RSBN1L: variants seen among roughly 807,000 people sequenced by gnomAD.
The protein encoded by RSBN1L is lysine-specific demethylase RSBN1L.
A neutral mutation model predicts 67.7 loss-of-function variants in RSBN1L; 30 were observed. The ratio of observed to expected loss-of-function variants is 0.44; its 90% confidence interval spans 0.33 to 0.60. The LOEUF is 0.60. Ranked by LOEUF, RSBN1L falls within the 20% of genes least tolerant of loss-of-function variation. RSBN1L has a pLI of 0.02. For missense variants in RSBN1L, 992 were observed against 1,031.7 expected, an observed-to-expected ratio of 0.96 and a Z score of 0.53; for synonymous variants, 433 against 387.0, an observed-to-expected ratio of 1.12 and a Z score of -1.39.
In RSBN1L at chr7:77,722,637, TTG is replaced by T. The variant is rs1394961471; in HGVS notation, c.587-13771_587-13770del. Among the ~76,000 whole-genome samples the T allele has an allele frequency of 5.9e-5, 9 of 152,240 alleles. No homozygotes were observed. In the South Asian group the frequency reaches 1.0e-3, roughly 18 times the overall value. ...TCAATTTTTATTTTAGTGTATGTAA[TTG>T]TAATCATTTTGTAATGTAACTGCTT... is the stretch of plus-strand genomic sequence containing the variant. On this transcript the variant is annotated intron_variant, in intron 1 of 7. Transcript: ENST00000334955.
At chr7:77,736,135 T>G (rs1244421228) in intron 1 of RSBN1L, among the ~76,000 whole-genome samples, 1 of 152,186 alleles carries the variant, frequency 6.6e-6, no homozygotes, top group African/African-American at 2.4e-5. Flanking sequence ...TTTTAAGTGA[T>G]TTGAAATAAA....
intron 1 of RSBN1L, among the ~76,000 whole-genome samples, chr7:77,723,890 C>T (rs552606498): frequency 3.9e-5 from 6 of 152,040 alleles, no homozygotes; most frequent in African/African-American, 1.2e-4. Context: ...GCTGAGATCA[C>T]GCCACTGCAC....
At chr7:77,742,039 A>T (rs1791417034) in intron 2 of RSBN1L, among the ~76,000 whole-genome samples, 4 of 151,896 alleles carry the variant, frequency 2.6e-5, no homozygotes, top group Admixed American at 1.3e-4. Flanking sequence ...GATTTGTTAT[A>T]GTGAAGGAGG....
chr7:77,717,851 C>T (rs918592148), intron 1 of RSBN1L, among the ~76,000 whole-genome samples: 1 of 152,134 alleles, frequency 6.6e-6, no homozygotes, highest in Non-Finnish European at 1.5e-5. Flanking sequence ...AACCCTGTCT[C>T]TACTAAAAAA....
At position 77,755,400 on chromosome 7, in the gene RSBN1L, C is replaced by T. The variant is rs887914099; in HGVS notation, c.1344+5336C>T. The stretch of plus-strand genomic sequence containing the variant: ...TGATAAGCAGCTGGGCGTGGTGGCT[C>T]ACCCCTGTAATCTCAGCACTGTGGG... On this transcript the variant is annotated intron_variant, in intron 3 of 7. Coordinates refer to ENST00000334955, the MANE Select transcript of RSBN1L (RefSeq NM_198467.3). Among the ~76,000 whole-genome samples the T allele has an allele frequency of 3.3e-5, 5 of 152,084 alleles. No homozygotes were observed. In the South Asian group the frequency reaches 1.0e-3, roughly 32 times the overall value.
At chr7:77,747,919 A>C (rs10282702) in intron 2 of RSBN1L, among the ~76,000 whole-genome samples, 11 of 148,932 alleles carry the variant, frequency 7.4e-5, no homozygotes, top group Middle Eastern at 3.4e-3. Context: ...CTCGGGGGGG[A>C]GCTCAGGAAA....
intron 2 of RSBN1L, among the ~76,000 whole-genome samples, chr7:77,745,660 C>T (rs936580919): frequency 1.1e-4 from 17 of 152,136 alleles, no homozygotes; most frequent in African/African-American, 2.2e-4. Flanking sequence ...ACTGATTTCA[C>T]GGAAGACAGT....
At chr7:77,746,364 T>G (rs1034983737) in intron 2 of RSBN1L, among the ~76,000 whole-genome samples, 2 of 151,534 alleles carry the variant, frequency 1.3e-5, no homozygotes, top group African/African-American at 4.9e-5. Flanking sequence ...ATGGGGGAGG[T>G]GCTGCACACT....
chr7:77,755,357 A>G (rs1489398995), intron 3 of RSBN1L, among the ~76,000 whole-genome samples: 1 of 152,202 alleles, frequency 6.6e-6, no homozygotes, highest in East Asian at 1.9e-4. Context: ...TTTTAAGTTG[A>G]AAATGCATTT....
At chr7:77,778,038 A>G (rs894976373) in intron 6 of RSBN1L, among the ~76,000 whole-genome samples, 1 of 152,198 alleles carries the variant, frequency 6.6e-6, no homozygotes, top group Non-Finnish European at 1.5e-5. Context: ...TTCTTCAAAT[A>G]GAACACTTAA....
intron 3 of RSBN1L, among the ~76,000 whole-genome samples, chr7:77,764,412 C>T (rs893258373): frequency 3.9e-5 from 6 of 152,156 alleles, no homozygotes; most frequent in Admixed American, 3.9e-4. Context: ...TTGAGGTGCA[C>T]ATGGCTTTGT....
chr7:77,743,523 G>A (rs1203551668), intron 2 of RSBN1L, among the ~76,000 whole-genome samples: 1 of 143,416 alleles, frequency 7.0e-6, no homozygotes, highest in Admixed American at 7.0e-5. Flanking sequence ...GCATTTTTCA[G>A]TTCCTGTTAT....
intron 1 of RSBN1L, among the ~76,000 whole-genome samples, chr7:77,697,940 T>G (rs1053599126): frequency 1.3e-5 from 2 of 152,254 alleles, no homozygotes; most frequent in Admixed American, 1.3e-4. Flanking sequence ...ACATACGGAC[T>G]AGTTGAAAAT....
chr7:77,736,386 T>C lies in RSBN1L; in HGVS notation c.587-24T>C, dbSNP rs766385152. The C allele has an allele frequency of 1.1e-5, 11 of 962,920 alleles. No individual in the cohort carries two copies. The East Asian group carries it at 3.5e-4, about 31-fold the overall frequency. 59.6% of individuals were successfully genotyped at this position (962,920 alleles called of 1,614,324 possible). A position where few individuals can be genotyped will look rare whatever the true frequency, so the allele number is the denominator to read the frequency against. On this transcript the variant is annotated intron_variant, in intron 1 of 7. Transcript: ENST00000334955. ...GAAGTTGTAATTTTTTCATTTTAAA[T>C]ATTTCCTTTGTTTTGTCTTCCAGAT...
At chr7:77,724,451 A>G (rs924613458) in intron 1 of RSBN1L, among the ~76,000 whole-genome samples, 1 of 142,234 alleles carries the variant, frequency 7.0e-6, no homozygotes, top group Non-Finnish European at 1.5e-5. Context: ...TTTTTTTGAG[A>G]GTCTCACTCT....
At chr7:77,751,060 C>G (rs1791550231) in intron 3 of RSBN1L, among the ~76,000 whole-genome samples, 1 of 152,142 alleles carries the variant, frequency 6.6e-6, no homozygotes, top group South Asian at 2.1e-4. Flanking sequence ...TCTGGATGTT[C>G]AGTCACATCC....
At chr7:77,748,379 A>G (rs1036139861) in intron 2 of RSBN1L, among the ~76,000 whole-genome samples, 3 of 152,250 alleles carry the variant, frequency 2.0e-5, no homozygotes, top group Admixed American at 1.3e-4. Context: ...TGATATTTCA[A>G]CATTCTGGGA....
At chr7:77,705,621 C>T (rs1201924101) in intron 1 of RSBN1L, among the ~76,000 whole-genome samples, 1 of 144,134 alleles carries the variant, frequency 6.9e-6, no homozygotes, top group Admixed American at 7.3e-5. Flanking sequence ...CAGTGATTCT[C>T]CTGTCTCAGC....
intron 1 of RSBN1L, 192 bp downstream of exon 1, chr7:77,697,247 G>T: frequency 2.1e-6 from 1 of 475,846 alleles, no homozygotes; most frequent in Non-Finnish European, 3.3e-6. Flanking sequence ...AATTTCGGTT[G>T]CAGAGAGGGG....
Sources: gnomAD v4.1 joint callset for allele counts (sites outside exome capture counted in the v4.1 genomes callset) on GRCh38, gnomAD v4.1.1 for gene constraint, MANE v1.5 for transcripts, NCBI Gene and HGNC (gene_info 2026-07-23, HGNC 2026-07-21) for gene names.